The following GBP7 variants were observed in gnomAD, a reference collection of about 807,000 sequenced individuals.
The protein encoded by GBP7 is guanylate binding protein 7, also known as guanylate-binding protein 7.
In GBP7, 43 loss-of-function variants were observed where a neutral mutation model predicts 61.3. The ratio of observed to expected loss-of-function variants is 0.70; its 90% CI spans 0.55 to 0.91. The LOEUF is 0.91. Ranked by LOEUF, GBP7 falls within the 40% of genes least tolerant of loss-of-function variation. The pLI, the probability that GBP7 is intolerant of heterozygous loss-of-function variation, is 0.00. For missense variants in GBP7, 717 were observed against 740.5 expected, an observed-to-expected ratio of 0.97 and a Z score of 0.37; for synonymous variants, 267 against 271.0, an observed-to-expected ratio of 0.99 and a Z score of 0.14.
intron 3 of GBP7, among the ~76,000 whole-genome samples, chr1:89,159,616 C>G (rs1682389911): frequency 6.6e-6 from 1 of 151,682 alleles, no homozygotes; most frequent in South Asian, 2.1e-4. Context: ...AAAAAATGAT[C>G]ATCATCACTG....
intron 6 of GBP7, 42 bp downstream of exon 6, chr1:89,150,287 AC>A (rs1682162007): frequency 1.3e-6 from 2 of 1,571,112 alleles, no homozygotes; most frequent in African/African-American, 2.7e-5. Flanking sequence ...TTTTTGAGAT[AC>A]AGTAGGCCTC....
chr1:89,166,781 T>C (rs769817393), intron 2 of GBP7, among the ~76,000 whole-genome samples: 3 of 152,338 alleles, frequency 2.0e-5, no homozygotes, highest in Non-Finnish European at 4.4e-5. Flanking sequence ...TTTCCAGTAA[T>C]AGCCAGTCCT....
rs148592048 is a variant in GBP7 at position 89,171,804 on chromosome 1, C to G, written c.132G>C (p.Val44=). 3.5e-4 allele frequency: 557 copies of G among 1,613,620 alleles called. 4 individuals are homozygous for G. The East Asian group carries it at 0.011, about 31-fold the overall frequency. The change falls in exon 2 of 11, where the codon GTG becomes GTC. Residue 44 remains valine (V), a synonymous_variant. Coordinates refer to ENST00000294671, the MANE Select transcript of GBP7 (RefSeq NM_207398.3). ...AGGATTTGCCTGTGCGGTAGAGGCC[C>G]ACAATTGCCACCACTACTACAGGCT... The part of the protein sequence containing the change: ...ITQPVVVVAI[V]GLYRTGKSYL...
chr1:89,154,138 T>C (rs1385151862), intron 3 of GBP7, among the ~76,000 whole-genome samples: 2 of 152,232 alleles, frequency 1.3e-5, no homozygotes, highest in Non-Finnish European at 2.9e-5. Context: ...ATCAAGCATG[T>C]ATATATTTGT....
chr1:89,132,356 C>T lies in GBP7; in HGVS notation c.1710G>A (p.Ser570=), dbSNP rs373608805. Residue 570 remains serine (S), a synonymous_variant, in exon 11 of 11, where the codon TCG becomes TCA. Transcript: ENST00000294671. Reference sequence around the variant, plus strand: ...TCAGTCGATTAATCTCTTCATTTAACGACTCAAATATCTCTTTAAATCCTT... The same window carrying T: ...TCAGTCGATTAATCTCTTCATTTAATGACTCAAATATCTCTTTAAATCCTT... The part of the protein sequence containing the change: ...LTEGFKEIFE[S]LNEEINRLKE... The T allele has an allele frequency of 3.6e-5, 58 of 1,611,566 alleles. No individual in the cohort carries two copies. In the Admixed American group the frequency reaches 4.0e-4, roughly 11 times the overall value.
chr1:89,149,249 C>T, intron 7 of GBP7, 43 bp downstream of exon 7: 1 of 1,534,386 alleles, frequency 6.5e-7, no homozygotes, highest in Non-Finnish European at 8.8e-7. Context: ...AGTATCATTC[C>T]AGAAAGGCAG....
intron 2 of GBP7, among the ~76,000 whole-genome samples, chr1:89,168,905 G>A (rs1202396804): frequency 4.6e-5 from 7 of 152,036 alleles, no homozygotes; most frequent in Non-Finnish European, 8.8e-5. Context: ...GGAGGCGGAG[G>A]TTGCGGTGAG....
chr1:89,167,935 A>G (rs561155555), intron 2 of GBP7, among the ~76,000 whole-genome samples: 9 of 152,360 alleles, frequency 5.9e-5, no homozygotes, highest in Non-Finnish European at 1.2e-4. Context: ...GCATGTCAGA[A>G]TAATCTTTCT....
chr1:89,169,012 C>T (rs549967409), intron 2 of GBP7, among the ~76,000 whole-genome samples: 2 of 152,004 alleles, frequency 1.3e-5, no homozygotes, highest in African/African-American at 4.8e-5. Context: ...CCTGTGGAAG[C>T]TGCAGTTTAC....
In GBP7 at chr1:89,132,344, C is replaced by G. The variant is rs1285669203; in HGVS notation, c.1722G>C (p.Glu574Asp). 1 of 1,612,004 alleles carries G rather than the reference C, an allele frequency of 6.2e-7. No individual in the cohort carries two copies. Among genetic ancestry groups the G allele is most frequent in the East Asian group, 2.2e-5 (1 of 44,856 alleles). ...CAATTTGTTCTTTCAGTCGATTAAT[C>G]TCTTCATTTAACGACTCAAATATCT... ...FKEIFESLNE[E>D]INRLKEQIEA... Residue 574 changes from glutamate (E) to aspartate (D), a missense_variant, in exon 11 of 11, where the codon GAG (glutamate) becomes GAC (aspartate). Around this residue, in one of 3 missense-constraint regions of GBP7, gnomAD observed 312 missense variants for 310.1 expected, o/e 1.01. Transcript: ENST00000294671.
Position 89,150,395 on chromosome 1 carries a change from C to T in GBP7, c.806G>A (p.Cys269Tyr), listed in dbSNP as rs909472629. The change falls in exon 6 of 11, where the codon TGT becomes TAT. Residue 269 changes from cysteine (C) to tyrosine (Y), a missense_variant. Cys to Tyr is a radical substitution (Grantham distance 194). Coordinates refer to ENST00000294671, the MANE Select transcript of GBP7 (RefSeq NM_207398.3). Reference protein sequence around the residue: ...SNFQMQSENFCSYIFTHAKTK... With the variant: ...SNFQMQSENFYSYIFTHAKTK... ...CTTTGCATGGGTGAAGATATAAGAA[C>T]AGAAATTTTCTGATTGCATCTGGAA... is the stretch of plus-strand genomic sequence containing the variant. 8.7e-6 allele frequency: 14 copies of T among 1,613,756 alleles called. No homozygotes were observed. Among genetic ancestry groups the T allele is most frequent in the Non-Finnish European group, 1.1e-5 (13 of 1,179,816 alleles).
At chr1:89,173,358 A>G (rs1647658049) in intron 1 of GBP7, among the ~76,000 whole-genome samples, 1 of 152,186 alleles carries the variant, frequency 6.6e-6, no homozygotes, top group African/African-American at 2.4e-5. Flanking sequence ...GATTCTGTTG[A>G]TATTTCCAGT....
intron 10 of GBP7, among the ~76,000 whole-genome samples, 180 bp from the exon 11 acceptor site, chr1:89,132,583 A>G (rs977530514): frequency 6.6e-6 from 1 of 152,188 alleles, no homozygotes. Flanking sequence ...TCCATGATAT[A>G]CACCTTTGTG....
intron 3 of GBP7, among the ~76,000 whole-genome samples, chr1:89,158,400 G>A (rs1192215715): frequency 2.0e-5 from 3 of 152,158 alleles, no homozygotes; most frequent in African/African-American, 4.8e-5. Flanking sequence ...TATTCAGTTA[G>A]GAAAAGAGGA....
intron 2 of GBP7, among the ~76,000 whole-genome samples, chr1:89,169,458 C>G (rs909049591): frequency 1.3e-5 from 2 of 152,140 alleles, no homozygotes; most frequent in Non-Finnish European, 2.9e-5. Flanking sequence ...ACTGGAACGA[C>G]TAGAGGAGAA....
chr1:89,137,135 A>ACC (rs1341925651), intron 9 of GBP7, among the ~76,000 whole-genome samples: 2 of 152,060 alleles, frequency 1.3e-5, no homozygotes, highest in African/African-American at 4.8e-5. Context: ...CAGACTAATA[A>ACC]CAAGTTCCAA....
At position 89,132,249 on chromosome 1, in the gene GBP7, G is replaced by C; in HGVS notation, c.1817C>G (p.Ala606Gly). The C allele has an allele frequency of 1.2e-6, 2 of 1,613,830 alleles. No homozygotes were observed. The highest frequency in any genetic ancestry group is 1.1e-5 in the South Asian group (1 of 91,082). ...TAGCTTAGCAGCCCCAGGTAGTGCTGCAATAAATATACTGCCAGCCACATC... is the reference window on the plus strand; with the variant it reads ...TAGCTTAGCAGCCCCAGGTAGTGCTCCAATAAATATACTGCCAGCCACATC... Reference protein sequence around the residue: ...ILDVAGSIFIAALPGAAKLVD... With the variant: ...ILDVAGSIFIGALPGAAKLVD... Residue 606 changes from alanine to glycine, a missense_variant, in exon 11 of 11, where the codon GCA (alanine) becomes GGA (glycine). Around this residue, in one of 3 missense-constraint regions of GBP7, gnomAD observed 312 missense variants for 310.1 expected, o/e 1.01. Transcript: ENST00000294671.
At chr1:89,172,023 A>G in intron 1 of GBP7, 69 bp from the exon 2 acceptor site, 2 of 1,071,078 alleles carry the variant, frequency 1.9e-6, no homozygotes, top group Non-Finnish European at 2.8e-6. Context: ...ATAATAGGGC[A>G]TAAATCTTTG....
chr1:89,134,416 CT>C (rs1006391515), intron 9 of GBP7, among the ~76,000 whole-genome samples: 1 of 152,180 alleles, frequency 6.6e-6, no homozygotes, highest in Non-Finnish European at 1.5e-5. Context: ...TGAGAAAGTA[CT>C]TTTGCCAGCA....
Sources: allele counts gnomAD v4.1 joint callset (sites outside exome capture counted in the v4.1 genomes callset), GRCh38; gene constraint gnomAD v4.1.1; regional missense constraint gnomAD v4.1.1; transcripts MANE v1.5; gene names NCBI Gene and HGNC (gene_info 2026-07-23, HGNC 2026-07-21).